PPP3CC: variants seen among roughly 807,000 people sequenced by gnomAD.
PPP3CC encodes the protein serine/threonine-protein phosphatase 2B catalytic subunit gamma isoform.
PPP3CC carries 35 observed loss-of-function variants against 60.3 expected under a neutral mutation model. The ratio of observed to expected loss-of-function variants is 0.58; its 90% CI spans 0.44 to 0.77. The LOEUF (loss-of-function observed/expected upper bound fraction) is 0.77. Ranked by LOEUF, PPP3CC falls within the 30% of genes least tolerant of loss-of-function variation. The probability of loss-of-function intolerance (pLI) is 0.00; values close to 1 mark genes in which losing one functional copy is unlikely to be tolerated. For synonymous variants in PPP3CC, 206 were observed against 224.3 expected, an observed-to-expected ratio of 0.92 and a Z score of 0.73; for missense variants, 570 against 628.9, an observed-to-expected ratio of 0.91 and a Z score of 1.00.
chr8:22,458,555 G>A (rs1388580820), intron 1 of PPP3CC, among the ~76,000 whole-genome samples: 1 of 151,730 alleles, frequency 6.6e-6, no homozygotes, highest in Non-Finnish European at 1.5e-5. Flanking sequence ...CTGAGATCAT[G>A]CCACTGCATT....
At chr8:22,455,920 A>G (rs1319159005) in intron 1 of PPP3CC, among the ~76,000 whole-genome samples, 1 of 152,262 alleles carries the variant, frequency 6.6e-6, no homozygotes, top group African/African-American at 2.4e-5. Flanking sequence ...AGCTGATCAG[A>G]TCATGGAACT....
rs144332691 is a variant in PPP3CC, at chr8:22,493,599, G to T, written c.373-4402G>T. On this transcript the variant is annotated intron_variant, in intron 3 of 13. Coordinates refer to ENST00000240139, the MANE Select transcript of PPP3CC (RefSeq NM_005605.5). ...GACACACACACACACATGCACGTGC[G>T]CACGCATCTAGGCCTACAGAGGGTC... 7.6e-3 allele frequency among the ~76,000 whole-genome samples: 1,160 copies of T among 151,930 alleles called. 13 individuals carry two copies. Among genetic ancestry groups the T allele is most frequent in the African/African-American group, 0.025 (1,035 of 41,428 alleles).
chr8:22,464,659 T>C (rs1837465475), intron 1 of PPP3CC, among the ~76,000 whole-genome samples: 2 of 152,048 alleles, frequency 1.3e-5, no homozygotes, highest in Non-Finnish European at 2.9e-5. Context: ...TGAGATTCTT[T>C]TTATAGGTGT....
chr8:22,459,456 T>A (rs567229801), intron 1 of PPP3CC, among the ~76,000 whole-genome samples: 1 of 35,190 alleles, frequency 2.8e-5, no homozygotes, highest in Non-Finnish European at 4.9e-5. Flanking sequence ...CACTTTGTTA[T>A]GTGTGTGTGT....
At chr8:22,510,374 T>A (rs971690262) in intron 4 of PPP3CC, among the ~76,000 whole-genome samples, 1 of 152,136 alleles carries the variant, frequency 6.6e-6, no homozygotes, top group Non-Finnish European at 1.5e-5. Flanking sequence ...CCTTAAAAAT[T>A]ATGAGCAAAA....
chr8:22,485,291 C>T (rs551703621), intron 3 of PPP3CC, among the ~76,000 whole-genome samples: 43 of 152,144 alleles, frequency 2.8e-4, no homozygotes, highest in South Asian at 2.3e-3. Context: ...CCAAGAAGGA[C>T]GATAAGAAGC....
At chr8:22,525,418 CTCTT>C (rs1839514395) in intron 8 of PPP3CC, among the ~76,000 whole-genome samples, 1 of 151,794 alleles carries the variant, frequency 6.6e-6, no homozygotes, top group South Asian at 2.1e-4. Context: ...GCTCTTCTTT[CTCTT>C]TCTCTCTTTT....
rs190566345 is a variant in PPP3CC at position 22,445,062 on chromosome 8, A to G, written c.49+3604A>G. Reference sequence around the variant, plus strand: ...AGATGGGGTTTAACAGAAAAGTCAGATTTCTTTTTAGTAAGGTGCTGATAC... The same window carrying G: ...AGATGGGGTTTAACAGAAAAGTCAGGTTTCTTTTTAGTAAGGTGCTGATAC... On this transcript the variant is annotated intron_variant, in intron 1 of 13. Transcript: ENST00000240139. 3.3e-5 allele frequency among the ~76,000 whole-genome samples: 5 copies of G among 152,266 alleles called. No individual in the cohort carries two copies. The East Asian group carries it at 5.8e-4, about 18-fold the overall frequency.
At chr8:22,470,039 A>G (rs886213914) in intron 1 of PPP3CC, among the ~76,000 whole-genome samples, 1 of 149,940 alleles carries the variant, frequency 6.7e-6, no homozygotes, top group Non-Finnish European at 1.5e-5. Context: ...TATAAAATAA[A>G]TATGGGTGAT....
chr8:22,521,050 ACAGT>A (rs1411323791), intron 6 of PPP3CC, among the ~76,000 whole-genome samples: 3 of 152,122 alleles, frequency 2.0e-5, no homozygotes, highest in Admixed American at 6.5e-5. Context: ...ATTAGGGTTC[ACAGT>A]CAGTGGGCGT....
At chr8:22,510,968 C>A in intron 4 of PPP3CC, 118 bp from the exon 5 acceptor site, 1 of 1,115,810 alleles carries the variant, frequency 9.0e-7, no homozygotes, top group South Asian at 1.6e-5. Flanking sequence ...GATAATTGTG[C>A]TTTCAAATCA....
chr8:22,443,519 T>TAAAAAA (rs5890033), intron 1 of PPP3CC, among the ~76,000 whole-genome samples: 1 of 103,676 alleles, frequency 9.6e-6, no homozygotes. Context: ...AAACTCTCTC[T>TAAAAAA]AAAAAAAAAA....
intron 1 of PPP3CC, among the ~76,000 whole-genome samples, chr8:22,457,903 G>A (rs990994971): frequency 2.0e-5 from 3 of 151,650 alleles, no homozygotes; most frequent in Non-Finnish European, 4.4e-5. Context: ...ATCAGCCTGG[G>A]CAACACGGTG....
At chr8:22,497,925 C>G in intron 3 of PPP3CC, 76 bp from the exon 4 acceptor site, 1 of 921,492 alleles carries the variant, frequency 1.1e-6, no homozygotes, top group South Asian at 1.8e-5. Context: ...TACAGCAAGT[C>G]ATTTGAATTA....
At chr8:22,488,359 A>G (rs557708300) in intron 3 of PPP3CC, among the ~76,000 whole-genome samples, 4 of 152,358 alleles carry the variant, frequency 2.6e-5, no homozygotes, top group African/African-American at 9.6e-5. Context: ...CTGTTTCAAA[A>G]TGTGTATATG....
chr8:22,516,155 G>T (rs1480623351), intron 6 of PPP3CC, among the ~76,000 whole-genome samples: 6 of 151,992 alleles, frequency 3.9e-5, no homozygotes, highest in Non-Finnish European at 8.8e-5. Context: ...GCCCAGGCTG[G>T]TCTTGAAGTC....
intron 12 of PPP3CC, among the ~76,000 whole-genome samples, chr8:22,537,000 T>C (rs1047916485): frequency 6.6e-6 from 1 of 152,166 alleles, no homozygotes; most frequent in African/African-American, 2.4e-5. Context: ...AGCATCCCAG[T>C]AGCCAAAATA....
intron 1 of PPP3CC, 78 bp downstream of exon 1, chr8:22,441,536 G>C (rs940188989): frequency 7.0e-7 from 1 of 1,424,490 alleles, no homozygotes; most frequent in Non-Finnish European, 9.3e-7. Context: ...GGCGGAGGGA[G>C]GCTGGGGCCG....
intron 1 of PPP3CC, among the ~76,000 whole-genome samples, chr8:22,460,978 T>C (rs1837346842): frequency 1.3e-5 from 2 of 152,096 alleles, no homozygotes; most frequent in African/African-American, 2.4e-5. Flanking sequence ...CCCGAGTAGC[T>C]GGAACTACAG....
Sources: allele counts gnomAD v4.1 joint callset (sites outside exome capture counted in the v4.1 genomes callset), GRCh38; gene constraint gnomAD v4.1.1; transcripts MANE v1.5; gene names NCBI Gene and HGNC (gene_info 2026-07-23, HGNC 2026-07-21).